PRRC1: variants seen among roughly 807,000 people sequenced by gnomAD.
PRRC1 encodes protein PRRC1.
A neutral mutation model predicts 40.7 loss-of-function variants in PRRC1; 39 were observed. The observed-to-expected ratio is 0.96, with a 90% CI of 0.74 to 1.25. PRRC1 has a LOEUF of 1.25. Among genes scored for constraint, PRRC1 ranks in the 50% most tolerant of loss-of-function variants. The probability of loss-of-function intolerance (pLI) is 0.00; values close to 1 mark genes in which losing one functional copy is unlikely to be tolerated. For synonymous variants in PRRC1, 175 were observed against 193.3 expected, an observed-to-expected ratio of 0.91 and a Z score of 0.79; for missense variants, 573 against 548.3, an observed-to-expected ratio of 1.05 and a Z score of -0.45.
At position 127,551,855 on chromosome 5, in the gene PRRC1, A is replaced by T; in HGVS notation, c.1277A>T (p.Tyr426Phe). 6.2e-7 allele frequency: 1 copy of T among 1,614,106 alleles called. No individual in the cohort carries two copies. The highest frequency in any genetic ancestry group is 1.7e-5 in the Admixed American group (1 of 60,010). Residue 426 changes from tyrosine to phenylalanine, a missense_variant, in exon 9 of 9, where the codon TAC (tyrosine) becomes TTC (phenylalanine). Transcript: ENST00000296666. ...FTGMSRRQMI[Y>F]SAARAIAGMY... ...GGGATGTCCCGTCGGCAGATGATCT[A>T]CAGTGCAGCCAGAGCGATAGCGGGC...
intron 8 of PRRC1, chr5:127,550,554 A>G (rs1768351265): frequency 6.6e-6 from 1 of 152,168 alleles, no homozygotes; most frequent in Non-Finnish European, 1.5e-5. Flanking sequence ...CCTTGTTTCT[A>G]AAAAGTGTGG....
Position 127,551,821 on chromosome 5 carries a change from G to T in PRRC1, c.1243G>T (p.Ala415Ser), listed in dbSNP as rs910497867. The T allele has an allele frequency of 3.1e-6, 5 of 1,613,998 alleles. No homozygotes were observed. The African/African-American group carries it at 4.0e-5, about 13-fold the overall frequency. Reference protein sequence around the residue: ...LNVSRTDWHMAFTGMSRRQMI... With the variant: ...LNVSRTDWHMSFTGMSRRQMI... ...TGTCAGCCGGACTGATTGGCACATG[G>T]CATTTACTGGGATGTCCCGTCGGCA... Residue 415 changes from alanine (A) to serine (S), a missense_variant, in exon 9 of 9, where the codon GCA becomes TCA. Coordinates refer to ENST00000296666, the MANE Select transcript of PRRC1 (RefSeq NM_130809.5).
chr5:127,524,861 A>G lies in PRRC1; in HGVS notation c.434A>G (p.His145Arg), dbSNP rs1288575876. ...VGSTYDITRG[H>R]AGRAPQTPLM... is the part of the protein sequence containing the mutation. ...TCAACTTATGACATTACAAGGGGAC[A>G]TGCTGGGAGAGCTCCCCAGACACCC... Residue 145 changes from histidine (H) to arginine (R), a missense_variant, in exon 3 of 9, where the codon CAT (histidine) becomes CGT (arginine). Physicochemically the swap from His to Arg is conservative, Grantham distance 29. Coordinates refer to ENST00000296666, the MANE Select transcript of PRRC1 (RefSeq NM_130809.5). 4 of 1,614,046 alleles carry G rather than the reference A, an allele frequency of 2.5e-6. No homozygotes were observed. The highest frequency in any genetic ancestry group is 2.2e-5 in the East Asian group (1 of 44,904).
Position 127,553,817 on chromosome 5 carries a change from C to G in PRRC1, c.*1901C>G, listed in dbSNP as rs1439956168. 5 of 1,535,374 alleles carry G rather than the reference C, an allele frequency of 3.3e-6. No homozygotes were observed. In the African/African-American group the frequency reaches 5.5e-5, roughly 17 times the overall value. On this transcript the variant is annotated 3_prime_UTR_variant, in exon 9 of 9. Transcript: ENST00000296666. ...ATTAGATGATTATTTTCCTAGAATC[C>G]CCAAAGAGCAGTGGCAGTCCATGGC...
At chr5:127,533,021 A>G (rs1281270091) in intron 5 of PRRC1, among the ~76,000 whole-genome samples, 2 of 152,152 alleles carry the variant, frequency 1.3e-5, no homozygotes, top group East Asian at 1.9e-4. Context: ...AAAATATTTG[A>G]AAATATTTTT....
At position 127,553,993 on chromosome 5, in the gene PRRC1, G is replaced by T; in HGVS notation, c.*2077G>T. On this transcript the variant is annotated 3_prime_UTR_variant, in exon 9 of 9. Transcript: ENST00000296666. ...CCTCTCTGGTTCTGTTCTTGGCCCA[G>T]AGTTTTTGAAAAGCAGCGGAGCATG... The T allele has an allele frequency of 7.4e-7, 1 of 1,357,866 alleles. No homozygotes were observed. Among genetic ancestry groups the T allele is most frequent in the South Asian group, 1.4e-5 (1 of 69,718 alleles). The allele number at this position is 1,357,866 out of a possible 1,614,324, so 84.1% of individuals were successfully genotyped here. A position where few individuals can be genotyped will look rare whatever the true frequency, so the allele number is the denominator to read the frequency against.
chr5:127,519,951 G>A (rs960573401), intron 1 of PRRC1, among the ~76,000 whole-genome samples: 2 of 152,162 alleles, frequency 1.3e-5, no homozygotes, highest in African/African-American at 4.8e-5. Flanking sequence ...CTATCTAGTT[G>A]TGCAAGTCAT....
chr5:127,526,004 T>G (rs1233403503), intron 3 of PRRC1, among the ~76,000 whole-genome samples: 1 of 152,246 alleles, frequency 6.6e-6, no homozygotes, highest in Non-Finnish European at 1.5e-5. Flanking sequence ...TTCCTTTCCC[T>G]AGGTCAGTTA....
In PRRC1 at chr5:127,524,599, ACTC is replaced by A. The variant is rs1236026235; in HGVS notation, c.176_178del (p.Pro59del). 6 of 1,613,436 alleles carry A rather than the reference ACTC, an allele frequency of 3.7e-6. No homozygotes were observed. In the African/African-American group the frequency reaches 8.0e-5, roughly 22 times the overall value. ...GTCCTTCCCACCACTCGCATACTCT[ACTC>A]CTCAGCCGCCCCTTCCTCCTGTGAG... On this transcript the variant is annotated inframe_deletion, in exon 3 of 9. Coordinates refer to ENST00000296666, the MANE Select transcript of PRRC1 (RefSeq NM_130809.5).
Position 127,524,743 on chromosome 5 carries a change from CCTG to C in PRRC1, c.317_319del (p.Pro106_Val107delinsLeu). 1 of 1,614,200 alleles carries C rather than the reference CCTG, an allele frequency of 6.2e-7. No homozygotes were observed. Among genetic ancestry groups the C allele is most frequent in the Non-Finnish European group, 8.5e-7 (1 of 1,180,030 alleles). ...AACTGCTGCTGCCTTCGGTAATCCT[CCTG>C]TATCTCACTTCCCACCTTCAACTTC... On this transcript the variant is annotated inframe_deletion, in exon 3 of 9. Transcript: ENST00000296666.
chr5:127,551,368 G>T, intron 8 of PRRC1: 2 of 231,560 alleles, frequency 8.6e-6, no homozygotes, highest in East Asian at 1.1e-4. Flanking sequence ...TCCTCTTTCT[G>T]GTTGAAATTT....
rs60179366 is a variant in PRRC1, at chr5:127,531,617, C to CTTTTTTTTTTTTT, written c.757+1232_757+1244dup. Among the ~76,000 whole-genome samples the CTTTTTTTTTTTTT allele has an allele frequency of 1.1e-3, 113 of 99,636 alleles. 8 individuals are homozygous for CTTTTTTTTTTTTT. The highest frequency in any genetic ancestry group is 5.0e-3 in the African/African-American group (107 of 21,552). The allele number at this position is 99,636 out of a possible 152,430, so 65.4% of individuals were successfully genotyped here. A position where few individuals can be genotyped will look rare whatever the true frequency, so the allele number is the denominator to read the frequency against. ...GCCAGGTGTTTTTATTCTTCTTCTT[C>CTTTTTTTTTTTTT]TTTTTTTTTTTTTTTTTTTTTTTGA... On this transcript the variant is annotated intron_variant, in intron 5 of 8. Transcript: ENST00000296666.
chr5:127,536,368 A>T (rs1767902069), intron 6 of PRRC1, among the ~76,000 whole-genome samples: 1 of 152,098 alleles, frequency 6.6e-6, no homozygotes, highest in South Asian at 2.1e-4. Flanking sequence ...CTAGTTGTAT[A>T]TATATAAGAT....
chr5:127,537,129 GACTACT>G (rs1767920867), intron 6 of PRRC1, among the ~76,000 whole-genome samples: 1 of 151,720 alleles, frequency 6.6e-6, no homozygotes, highest in Non-Finnish European at 1.5e-5. Context: ...TTGTAGTTAT[GACTACT>G]GTTTTATATA....
rs542093572 is a variant in PRRC1, at chr5:127,554,406, A to G, written c.*2490A>G. 1 of 151,986 alleles carries G rather than the reference A, an allele frequency of 6.6e-6. No homozygotes were observed. Among genetic ancestry groups the G allele is most frequent in the Admixed American group, 6.6e-5 (1 of 15,256 alleles). The allele number at this position is 151,986 out of a possible 1,614,324, so 9.4% of individuals were successfully genotyped here. On this transcript the variant is annotated 3_prime_UTR_variant, in exon 9 of 9. Coordinates refer to ENST00000296666, the MANE Select transcript of PRRC1 (RefSeq NM_130809.5). ...TTCTTCCGAAGAACTCCTGGTTGTT[A>G]TTGGATTTTGTATTTTAATACAAAT...
At chr5:127,519,257 C>T (rs1343300721) in intron 1 of PRRC1, among the ~76,000 whole-genome samples, 1 of 152,180 alleles carries the variant, frequency 6.6e-6, no homozygotes, top group Non-Finnish European at 1.5e-5. Context: ...ATTTCTATCT[C>T]AGGTTATTTA....
rs894799096 is a variant in PRRC1, at chr5:127,553,822, A to G, written c.*1906A>G. On this transcript the variant is annotated 3_prime_UTR_variant, in exon 9 of 9. Transcript: ENST00000296666. ...ATGATTATTTTCCTAGAATCCCCAA[A>G]GAGCAGTGGCAGTCCATGGCTTGGT... 3 of 1,535,660 alleles carry G rather than the reference A, an allele frequency of 2.0e-6. No individual in the cohort carries two copies. The African/African-American group carries it at 4.1e-5, about 21-fold the overall frequency.
At chr5:127,535,844 C>G (rs918779151) in intron 6 of PRRC1, among the ~76,000 whole-genome samples, 9 of 152,056 alleles carry the variant, frequency 5.9e-5, no homozygotes, top group Admixed American at 2.0e-4. Flanking sequence ...AACACAAACC[C>G]ACACTGACAC....
chr5:127,549,648 CTG>C (rs900780966), intron 8 of PRRC1: 8 of 152,210 alleles, frequency 5.3e-5, no homozygotes, highest in African/African-American at 1.9e-4. Flanking sequence ...GTCACTGCCA[CTG>C]TTAACATTGC....
Sources: gnomAD v4.1 joint callset for allele counts (sites outside exome capture counted in the v4.1 genomes callset) on GRCh38, gnomAD v4.1.1 for gene constraint, MANE v1.5 for transcripts, NCBI Gene and HGNC (gene_info 2026-07-23, HGNC 2026-07-21) for gene names.